Variants in PPM1B observed in about 807,000 individuals in gnomAD.
PPM1B encodes the protein protein phosphatase 1B.
Under a neutral mutation model 43.0 loss-of-function variants are expected in PPM1B, and 22 were observed. That is an observed-to-expected ratio of 0.51 (90% CI 0.37 to 0.73). The LOEUF is 0.73. PPM1B is among the 30% of genes least tolerant of loss of function. PPM1B has a pLI of 0.00. For synonymous variants in PPM1B, 217 were observed against 197.9 expected (o/e 1.10, Z -0.81); for missense variants, 632 against 584.2 (o/e 1.08, Z -0.84).
chr2:44,214,457 C>T (rs536288451), intron 3 of PPM1B, among the ~76,000 whole-genome samples: 3 of 146,642 alleles, frequency 2.0e-5, no homozygotes, highest in South Asian at 2.2e-4. Context: ...GATATTTTTT[C>T]GGGGGTGGGG....
chr2:44,191,325 T>A (rs1446811227), intron 1 of PPM1B, among the ~76,000 whole-genome samples: 1 of 152,110 alleles, frequency 6.6e-6, no homozygotes, highest in Non-Finnish European at 1.5e-5. Context: ...GCTATTCTCC[T>A]GCCTCAGCCT....
At chr2:44,177,883 G>T (rs1667661604) in intron 1 of PPM1B, among the ~76,000 whole-genome samples, 2 of 139,836 alleles carry the variant, frequency 1.4e-5, no homozygotes, top group Non-Finnish European at 3.1e-5. Context: ...CATATATATT[G>T]CATAGTATTC....
chr2:44,223,720 G>T (rs944838179), intron 5 of PPM1B, among the ~76,000 whole-genome samples: 1 of 151,140 alleles, frequency 6.6e-6, no homozygotes, highest in South Asian at 2.1e-4. Flanking sequence ...GGAGGTTGGG[G>T]CAGGAGAATG....
intron 1 of PPM1B, among the ~76,000 whole-genome samples, chr2:44,186,712 A>ATTT (rs1558395362): frequency 6.6e-6 from 1 of 152,130 alleles, no homozygotes; most frequent in African/African-American, 2.4e-5. Flanking sequence ...CTATTTAATG[A>ATTT]TTTTTCATTT....
At chr2:44,235,439 A>C (rs1481186524), downstream of PPM1B, among the ~76,000 whole-genome samples, 2 of 152,062 alleles carry the variant, frequency 1.3e-5, no homozygotes, top group Admixed American at 6.5e-5. Context: ...CCCTGTCTTT[A>C]CTAAAAATAC....
At chr2:44,191,430 G>T (rs1235404109) in intron 1 of PPM1B, among the ~76,000 whole-genome samples, 4 of 152,078 alleles carry the variant, frequency 2.6e-5, no homozygotes, top group African/African-American at 9.7e-5. Context: ...TGGCCAGGCT[G>T]GTGTCGAACT....
downstream of PPM1B, chr2:44,233,233 A>G (rs568744147): frequency 1.7e-5 from 15 of 899,880 alleles, no homozygotes; most frequent in Non-Finnish European, 2.0e-5. Flanking sequence ...ATGTTATTTT[A>G]AAAGCTCAGA....
At chr2:44,234,994 T>A (rs11124981), downstream of PPM1B, among the ~76,000 whole-genome samples, 120,917 of 152,108 alleles carry the variant, frequency 0.79, 48,205 homozygotes, top group South Asian at 0.9. Context: ...TGGTTGAAGT[T>A]TATGAAGAAA....
At position 44,194,233 on chromosome 2, in the gene PPM1B, G is replaced by T. The variant is rs1204940721; in HGVS notation, c.-14-6953G>T. On this transcript the variant is annotated intron_variant, in intron 1 of 5. Coordinates refer to ENST00000282412, the MANE Select transcript of PPM1B (RefSeq NM_002706.6). ...TCTTTGGATAGCTCCTCATATTTAAGTGTAACCCTGACAGCCTTGACAGGG... is the reference window on the plus strand; with the variant it reads ...TCTTTGGATAGCTCCTCATATTTAATTGTAACCCTGACAGCCTTGACAGGG... Among the ~76,000 whole-genome samples, 3 of 151,938 alleles carry T rather than the reference G, an allele frequency of 2.0e-5. No homozygotes were observed. The East Asian group carries it at 5.8e-4, about 29-fold the overall frequency.
At chr2:44,225,800 G>A (rs1439526436) in intron 5 of PPM1B, among the ~76,000 whole-genome samples, 1 of 151,916 alleles carries the variant, frequency 6.6e-6, no homozygotes, top group Non-Finnish European at 1.5e-5. Context: ...GGGACTACAG[G>A]CATGCACCAC....
At chr2:44,190,281 A>G (rs972641261) in intron 1 of PPM1B, among the ~76,000 whole-genome samples, 1 of 150,892 alleles carries the variant, frequency 6.6e-6, no homozygotes, top group Non-Finnish European at 1.5e-5. Flanking sequence ...CAGCCTCTCG[A>G]GTAGCTGGGA....
At chr2:44,185,379 C>G (rs1238124840) in intron 1 of PPM1B, among the ~76,000 whole-genome samples, 1 of 152,066 alleles carries the variant, frequency 6.6e-6, no homozygotes, top group African/African-American at 2.4e-5. Context: ...TTTCATAGGT[C>G]TGCATGTAGT....
At chr2:44,230,033 G>T in intron 5 of PPM1B, 1 of 1,588,410 alleles carries the variant, frequency 6.3e-7, no homozygotes, top group South Asian at 1.2e-5. Flanking sequence ...CTGCTTTTCT[G>T]TCCTTTTCCT....
intron 5 of PPM1B, among the ~76,000 whole-genome samples, chr2:44,240,990 A>G (rs1347488793): frequency 7.2e-6 from 1 of 138,636 alleles, no homozygotes; most frequent in Admixed American, 7.1e-5. Context: ...TGAAATTGGG[A>G]AGCATCTTTA....
chr2:44,220,067 G>T (rs1057174200), intron 5 of PPM1B, among the ~76,000 whole-genome samples: 1 of 152,064 alleles, frequency 6.6e-6, no homozygotes, highest in Non-Finnish European at 1.5e-5. Context: ...CTAAAAGGAT[G>T]GTGGTAATTT....
intron 1 of PPM1B, among the ~76,000 whole-genome samples, chr2:44,196,916 A>G (rs939780625): frequency 1.3e-5 from 2 of 152,212 alleles, no homozygotes; most frequent in African/African-American, 4.8e-5. Flanking sequence ...ATGTTTGGCA[A>G]AATCACAGGT....
chr2:44,215,877 A>C (rs752806386), intron 3 of PPM1B, among the ~76,000 whole-genome samples: 14 of 152,208 alleles, frequency 9.2e-5, no homozygotes, highest in Non-Finnish European at 1.8e-4. Context: ...TCTGTGAGGA[A>C]GGATGTTTGA....
intron 3 of PPM1B, 100 bp downstream of exon 3, chr2:44,209,427 G>T: frequency 1.6e-6 from 2 of 1,255,456 alleles, no homozygotes; most frequent in Non-Finnish European, 2.1e-6. Context: ...CCAAGGCTCT[G>T]TCTCAAAAAA....
intron 5 of PPM1B, chr2:44,230,002 T>A: frequency 1.3e-6 from 2 of 1,588,952 alleles, no homozygotes; most frequent in Non-Finnish European, 8.6e-7. Context: ...GCAGAAATGA[T>A]GAAGAAACTG....
Sources: allele counts gnomAD v4.1 joint callset (sites outside exome capture counted in the v4.1 genomes callset), GRCh38; gene constraint gnomAD v4.1.1; transcripts MANE v1.5; gene names NCBI Gene and HGNC (gene_info 2026-07-23, HGNC 2026-07-21).